ADGRF3: variants seen among roughly 807,000 people sequenced by gnomAD.
ADGRF3 encodes the protein G protein-coupled receptor 113.
Under a neutral mutation model 93.2 loss-of-function variants are expected in ADGRF3, and 85 were observed. The observed-to-expected ratio is 0.91, with a 90% CI of 0.77 to 1.09. The LOEUF (loss-of-function observed/expected upper bound fraction) is 1.09, where lower values mean the gene tolerates loss of function less well. Among genes scored for constraint, ADGRF3 ranks in the 50% least tolerant of loss-of-function variants. The pLI is 0.00. For synonymous variants in ADGRF3, 534 were observed against 532.5 expected (o/e 1.00, Z -0.04); for missense variants, 1,125 against 1,246.2 (o/e 0.90, Z 1.46).
intron 1 of ADGRF3, among the ~76,000 whole-genome samples, chr2:26,319,321 G>A (rs977234832): frequency 6.6e-6 from 1 of 152,154 alleles, no homozygotes; most frequent in South Asian, 2.1e-4. Flanking sequence ...TTAGGGGTTC[G>A]AAGTCACAAC....
chr2:26,317,640 G>T, intron 1 of ADGRF3, 78 bp from the exon 2 acceptor site: 1 of 1,259,160 alleles, frequency 7.9e-7, no homozygotes, highest in Non-Finnish European at 1.1e-6. Context: ...GTCTCAGCCA[G>T]CATGACTCAG....
chr2:26,319,545 C>T (rs1201848764), intron 1 of ADGRF3, among the ~76,000 whole-genome samples: 2 of 54,350 alleles, frequency 3.7e-5, no homozygotes, highest in Admixed American at 4.1e-4. Context: ...TCCCTTCTTT[C>T]TCTCCCTCCC....
intron 1 of ADGRF3, chr2:26,318,237 C>T: frequency 3.1e-6 from 2 of 644,594 alleles, no homozygotes; most frequent in Non-Finnish European, 5.4e-6. Context: ...TCTATATGCA[C>T]CTGCGTGTGC....
rs1674752148 is a variant in ADGRF3 at position 26,316,948 on chromosome 2, G to A, written c.289C>T (p.Pro97Ser). 2 of 1,612,896 alleles carry A rather than the reference G, an allele frequency of 1.2e-6. No homozygotes were observed. The highest frequency in any genetic ancestry group is 1.7e-6 in the Non-Finnish European group (2 of 1,179,568). The change falls in exon 3 of 14, where the codon CCA (proline) becomes TCA (serine). Residue 97 changes from proline to serine, a missense_variant. Coordinates refer to ENST00000651242, the MANE Select transcript of ADGRF3 (RefSeq NM_001321971.2). ...CTGAGGCCAGTGAGAAGAGGCCTTG[G>A]GGAAGAGGAAGCTGAGGCAGCAGGG... is the stretch of plus-strand genomic sequence containing the variant. ...TLPAASASSS[P>S]RPLLTGLRLT... is the part of the protein sequence containing the mutation.
chr2:26,327,257 T>A (rs191565880), intron 1 of ADGRF3, among the ~76,000 whole-genome samples: 1 of 152,262 alleles, frequency 6.6e-6, no homozygotes, highest in Admixed American at 6.5e-5. Flanking sequence ...ACTGGGAAAA[T>A]AGTCTGAGCT....
chr2:26,316,364 G>C lies in ADGRF3; in HGVS notation c.410C>G (p.Pro137Arg). 1 of 1,551,876 alleles carries C rather than the reference G, an allele frequency of 6.4e-7. No individual in the cohort carries two copies. Residue 137 changes from proline (P) to arginine (R), a missense_variant, in exon 4 of 14, where the codon CCT (proline) becomes CGT (arginine). Physicochemically the swap from Pro to Arg is moderately radical, Grantham distance 103. Transcript: ENST00000651242. ...QWNTSICLHY[P>R]PCQSLHNHQP... The stretch of plus-strand genomic sequence containing the variant: ...GTGGTTGTGGAGGCTTTGACAAGGA[G>C]GGTAATGGAGGCAGATGCTGGTGTT...
At position 26,313,295 on chromosome 2, in the gene ADGRF3, G is replaced by A. The variant is rs1181335467; in HGVS notation, c.1269+82C>T. 5 of 1,442,588 alleles carry A rather than the reference G, an allele frequency of 3.5e-6. No homozygotes were observed. In the African/African-American group the frequency reaches 4.3e-5, roughly 12 times the overall value. The allele number at this position is 1,442,588 out of a possible 1,614,324, so 89.4% of individuals were successfully genotyped here. A position where few individuals can be genotyped will look rare whatever the true frequency, so the allele number is the denominator to read the frequency against. On this transcript the variant is annotated intron_variant, in intron 8 of 13. Transcript: ENST00000651242. ...AACAGCCTGTGGGCTGGGCCTTGGG[G>A]AAAAGGGTCTGCAAGCTGGGTCCTA...
In ADGRF3 at chr2:26,312,651, C is replaced by T. The variant is rs114718047; in HGVS notation, c.1449+292G>A. Among the ~76,000 whole-genome samples, 212 of 152,352 alleles carry T rather than the reference C, an allele frequency of 1.4e-3. 2 individuals are homozygous for T. The highest frequency in any genetic ancestry group is 4.9e-3 in the African/African-American group (205 of 41,572). On this transcript the variant is annotated intron_variant, in intron 9 of 13. Transcript: ENST00000651242. ...TACTTCAGCGTCTCCATAGAAACTTCCTGTCTGTATCATAGCCACACGCCT... is the reference window on the plus strand; with the variant it reads ...TACTTCAGCGTCTCCATAGAAACTTTCTGTCTGTATCATAGCCACACGCCT...
chr2:26,333,817 G>A (rs902472764), intron 1 of ADGRF3, among the ~76,000 whole-genome samples: 2 of 151,954 alleles, frequency 1.3e-5, no homozygotes, highest in Non-Finnish European at 2.9e-5. Context: ...TTCATAAAAT[G>A]TATTTTATTT....
intron 1 of ADGRF3, among the ~76,000 whole-genome samples, chr2:26,339,713 C>T (rs993530467): frequency 2.0e-5 from 3 of 151,964 alleles, no homozygotes; most frequent in East Asian, 1.9e-4. Flanking sequence ...TCTAATTATA[C>T]GCCTTCTTAG....
chr2:26,311,238 T>C lies in ADGRF3; in HGVS notation c.2286A>G (p.Pro762=), dbSNP rs1193509657. ...LAADTCFLGA[P]FLSPGPRSPL... ...GGCTTCGGGGCCCTGGAGAGAGGAA[T>C]GGGGCGCCCAGGAAGCAAGTGTCTG... The change falls in exon 10 of 14, where the codon CCA becomes CCG. Residue 762 remains proline, a synonymous_variant. Transcript: ENST00000651242. 3 of 1,609,086 alleles carry C rather than the reference T, an allele frequency of 1.9e-6. No homozygotes were observed. In the South Asian group the frequency reaches 3.3e-5, roughly 18 times the overall value.
In ADGRF3 at chr2:26,313,769, T is replaced by C. The variant is rs374663124; in HGVS notation, c.1063A>G (p.Ile355Val). The C allele has an allele frequency of 7.4e-6, 12 of 1,613,732 alleles. No individual in the cohort carries two copies. In the African/African-American group the frequency reaches 1.3e-4, roughly 18 times the overall value. Residue 355 changes from isoleucine (I) to valine (V), a missense_variant, in exon 7 of 14, where the codon ATC (isoleucine) becomes GTC (valine). Ile to Val is a conservative substitution (Grantham distance 29). Coordinates refer to ENST00000651242, the MANE Select transcript of ADGRF3 (RefSeq NM_001321971.2). ...APLRVPISIT[I>V]IQDGDITCPE... ...CCCAGGCCCTGCGTACCCTGGATGA[T>C]GGTGATGGAGATGGGGACCCTGAGT...
chr2:26,319,589 T>C lies in ADGRF3; in HGVS notation c.115-2027A>G, dbSNP rs187138736. Among the ~76,000 whole-genome samples, 145 of 59,440 alleles carry C rather than the reference T, an allele frequency of 2.4e-3. 6 individuals are homozygous for C. The highest frequency in any genetic ancestry group is 0.011 in the East Asian group (18 of 1,650). 39.0% of individuals were successfully genotyped at this position (59,440 alleles called of 152,430 possible). On this transcript the variant is annotated intron_variant, in intron 1 of 13. Transcript: ENST00000651242. ...TCCCTTCCTTCCTTCCTTCCTTCCT[T>C]CCTTCCTTCCTTCCTTCCTTCCTTC...
At chr2:26,336,562 C>A (rs1462213511) in intron 1 of ADGRF3, among the ~76,000 whole-genome samples, 1 of 151,528 alleles carries the variant, frequency 6.6e-6, no homozygotes, top group Non-Finnish European at 1.5e-5. Context: ...CCTGTCTCTA[C>A]TAAAAATACA....
chr2:26,309,275 GA>G, intron 13 of ADGRF3, 168 bp from the exon 14 acceptor site: 1 of 1,561,740 alleles, frequency 6.4e-7, no homozygotes, highest in Non-Finnish European at 8.7e-7. Flanking sequence ...CCAAGTCAAG[GA>G]CTGGTGGTGG....
In ADGRF3 at chr2:26,313,460, G is replaced by T; in HGVS notation, c.1186C>A (p.Leu396Ile). The change falls in exon 8 of 14, where the codon CTC (leucine) becomes ATC (isoleucine). Residue 396 changes from leucine (L) to isoleucine (I), a missense_variant. By Grantham distance (5) the Leu-to-Ile change is conservative (BLOSUM62 2). Coordinates refer to ENST00000651242, the MANE Select transcript of ADGRF3 (RefSeq NM_001321971.2). ...PESKRGIVRR[L>I]CGADGVWGPV... Reference sequence around the variant, plus strand: ...CCCCAGACTCCGTCAGCCCCACAGAGCCTCCTCACTATGCCCCTCTTGCTC... The same window carrying T: ...CCCCAGACTCCGTCAGCCCCACAGATCCTCCTCACTATGCCCCTCTTGCTC... 1 of 1,611,028 alleles carries T rather than the reference G, an allele frequency of 6.2e-7. No individual in the cohort carries two copies. The highest frequency in any genetic ancestry group is 8.5e-7 in the Non-Finnish European group (1 of 1,178,708).
rs1674332001 is a variant in ADGRF3, at chr2:26,313,038, A to C, written c.1354T>G (p.Ser452Ala). The change falls in exon 9 of 14, where the codon TCA becomes GCA. Residue 452 changes from serine to alanine, a missense_variant. By Grantham distance (99) the Ser-to-Ala change is moderately conservative. Coordinates refer to ENST00000651242, the MANE Select transcript of ADGRF3 (RefSeq NM_001321971.2). ...QLPGQAAEAS[S>A]PSDLLTLLST... ...AGCAGGGTCAGTAAGTCGGAGGGTG[A>C]ACTTGCCTCTGCCGCCTGCCCTGGC... 1 of 1,613,988 alleles carries C rather than the reference A, an allele frequency of 6.2e-7. No individual in the cohort carries two copies. The highest frequency in any genetic ancestry group is 8.5e-7 in the Non-Finnish European group (1 of 1,179,882).
chr2:26,322,282 CAAA>C (rs60338868), intron 1 of ADGRF3, among the ~76,000 whole-genome samples: 7 of 76,766 alleles, frequency 9.1e-5, no homozygotes, highest in Non-Finnish European at 1.4e-4. Flanking sequence ...GAATCTGTCT[CAAA>C]AAAAAAAAAA....
In ADGRF3 at chr2:26,310,918, A is replaced by G. The variant is rs1229819508; in HGVS notation, c.2606T>C (p.Ile869Thr). 1 of 1,613,188 alleles carries G rather than the reference A, an allele frequency of 6.2e-7. No homozygotes were observed. The highest frequency in any genetic ancestry group is 1.7e-5 in the Admixed American group (1 of 59,930). ...YTFVGPVLAI[I>T]GVNGLVLAMA... ...GGCTAGTACCAGCCCATTCACGCCT[A>G]TGATGGCCAGCACTGGCCCCACGAA... is the stretch of plus-strand genomic sequence containing the variant. The change falls in exon 10 of 14, where the codon ATA (isoleucine) becomes ACA (threonine). Residue 869 changes from isoleucine to threonine, a missense_variant. Physicochemically the swap from Ile to Thr is moderately conservative, Grantham distance 89. Transcript: ENST00000651242.
Sources: gnomAD v4.1 joint callset for allele counts (sites outside exome capture counted in the v4.1 genomes callset) on GRCh38, gnomAD v4.1.1 for gene constraint, MANE v1.5 for transcripts, NCBI Gene and HGNC (gene_info 2026-07-23, HGNC 2026-07-21) for gene names.